CACNA2D3: variants seen among roughly 807,000 people sequenced by gnomAD.
CACNA2D3 encodes the protein calcium voltage-gated channel auxiliary subunit alpha2delta 3, also known as voltage-dependent calcium channel subunit alpha-2/delta-3.
In CACNA2D3, 60 loss-of-function variants were observed where a neutral mutation model predicts 160.6. That is an observed-to-expected ratio of 0.37 (90% CI 0.30 to 0.46). CACNA2D3 has a LOEUF of 0.46. Ranked by LOEUF, CACNA2D3 falls within the 20% of genes least tolerant of loss-of-function variation. CACNA2D3 has a pLI of 1.00. For synonymous variants in CACNA2D3, 558 were observed against 492.9 expected, an observed-to-expected ratio of 1.13 and a Z score of -1.75; for missense variants, 1,205 against 1,365.0, an observed-to-expected ratio of 0.88 and a Z score of 1.85.
intron 4 of CACNA2D3, among the ~76,000 whole-genome samples, chr3:54,458,465 T>TC (rs1553681254): frequency 0.021 from 3,156 of 150,332 alleles, 117 homozygotes; most frequent in African/African-American, 0.071. Context: ...TTTTTTTTTT[T>TC]CCCTTTTACT....
intron 11 of CACNA2D3, among the ~76,000 whole-genome samples, chr3:54,656,256 G>A (rs914239122): frequency 2.0e-5 from 3 of 152,224 alleles, no homozygotes; most frequent in African/African-American, 7.2e-5. Flanking sequence ...TTAATTCTCC[G>A]AAGTGACCTT....
chr3:55,061,070 C>T (rs1704495044), intron 35 of CACNA2D3, among the ~76,000 whole-genome samples: 1 of 152,218 alleles, frequency 6.6e-6, no homozygotes, highest in Admixed American at 6.5e-5. Flanking sequence ...ATTATCATGG[C>T]TCTTACTGAT....
At chr3:54,741,814 A>G (rs1267633726) in intron 11 of CACNA2D3, among the ~76,000 whole-genome samples, 2 of 151,500 alleles carry the variant, frequency 1.3e-5, no homozygotes, top group East Asian at 3.9e-4. Flanking sequence ...CCTTGTTCCT[A>G]TTTTTTTAGG....
chr3:54,434,146 G>T (rs1402487126), intron 4 of CACNA2D3, among the ~76,000 whole-genome samples: 3 of 152,164 alleles, frequency 2.0e-5, no homozygotes, highest in Non-Finnish European at 4.4e-5. Context: ...ACTGTCAGTG[G>T]GGGCCACTAG....
At chr3:54,464,111 T>C (rs949771873) in intron 4 of CACNA2D3, among the ~76,000 whole-genome samples, 4 of 152,212 alleles carry the variant, frequency 2.6e-5, no homozygotes, top group Admixed American at 1.3e-4. Context: ...CGAATGCTGC[T>C]GTCTGATCGT....
chr3:55,004,493 G>A (rs1489983170), intron 31 of CACNA2D3, among the ~76,000 whole-genome samples: 1 of 152,196 alleles, frequency 6.6e-6, no homozygotes, highest in Non-Finnish European at 1.5e-5. Context: ...CAGACCAAAT[G>A]ACTGTTTCGT....
chr3:54,801,722 G>C (rs898647953), intron 13 of CACNA2D3, among the ~76,000 whole-genome samples: 3 of 151,972 alleles, frequency 2.0e-5, no homozygotes, highest in Admixed American at 6.6e-5. Context: ...TTTTTAAAAA[G>C]AAACACTTAG....
At chr3:54,682,391 T>G (rs1700368812) in intron 11 of CACNA2D3, among the ~76,000 whole-genome samples, 1 of 151,972 alleles carries the variant, frequency 6.6e-6, no homozygotes, top group African/African-American at 2.4e-5. Flanking sequence ...CTTTGGGAGG[T>G]CAAGGCGAGT....
At chr3:54,455,580 A>G (rs1414890490) in intron 4 of CACNA2D3, among the ~76,000 whole-genome samples, 3 of 152,006 alleles carry the variant, frequency 2.0e-5, no homozygotes, top group African/African-American at 4.8e-5. Context: ...TTAGTTTGAT[A>G]TAATTCCATT....
chr3:54,465,932 T>C (rs1207352538), intron 4 of CACNA2D3, among the ~76,000 whole-genome samples: 1 of 152,162 alleles, frequency 6.6e-6, no homozygotes, highest in African/African-American at 2.4e-5. Context: ...TTGAGGCTGT[T>C]GGAAGAATTC....
intron 13 of CACNA2D3, among the ~76,000 whole-genome samples, chr3:54,811,152 A>T (rs950908451): frequency 1.3e-5 from 2 of 152,206 alleles, no homozygotes; most frequent in South Asian, 4.2e-4. Flanking sequence ...CCAGCTGCCT[A>T]CCCTACACCT....
chr3:54,670,959 T>A (rs529458655), intron 11 of CACNA2D3, among the ~76,000 whole-genome samples: 86 of 152,272 alleles, frequency 5.6e-4, no homozygotes, highest in Admixed American at 1.1e-3. Context: ...GAAAGCCAAG[T>A]TAATATGGAA....
In CACNA2D3 at chr3:54,343,377, G is replaced by A. The variant is rs940942437; in HGVS notation, c.321+22819G>A. The stretch of plus-strand genomic sequence containing the variant: ...CACCATCATAGCCCACTGCAGCCTC[G>A]ACCTCCTGGTTTCAAGGGATCCTCT... On this transcript the variant is annotated intron_variant, in intron 3 of 37. Transcript: ENST00000474759. Among the ~76,000 whole-genome samples the A allele has an allele frequency of 3.3e-5, 5 of 152,022 alleles. No homozygotes were observed. In the South Asian group the frequency reaches 8.3e-4, roughly 25 times the overall value.
intron 2 of CACNA2D3, among the ~76,000 whole-genome samples, chr3:54,251,352 T>C: frequency 6.6e-6 from 1 of 152,208 alleles, no homozygotes; most frequent in East Asian, 1.9e-4. Context: ...AGGGCATCTC[T>C]AACTCTTTTA....
At chr3:54,920,690 A>G (rs1700819100) in intron 27 of CACNA2D3, among the ~76,000 whole-genome samples, 1 of 152,170 alleles carries the variant, frequency 6.6e-6, no homozygotes, top group South Asian at 2.1e-4. Flanking sequence ...ACAGAAATGA[A>G]GTGATGGGGC....
At position 54,487,211 on chromosome 3, in the gene CACNA2D3, G is replaced by A. The variant is rs573994505; in HGVS notation, c.382-16281G>A. 4.6e-5 allele frequency among the ~76,000 whole-genome samples: 7 copies of A among 152,162 alleles called. No homozygotes were observed. In the South Asian group the frequency reaches 1.5e-3, roughly 32 times the overall value. On this transcript the variant is annotated intron_variant, in intron 4 of 37. Coordinates refer to ENST00000474759, the MANE Select transcript of CACNA2D3 (RefSeq NM_018398.3). ...GTGAGACCCCATCTTTACAAAAAAT[G>A]AATAAAATTAGCTGGGAATGGTGGC...
At chr3:54,144,596 A>G (rs1214769954) in intron 2 of CACNA2D3, among the ~76,000 whole-genome samples, 1 of 152,196 alleles carries the variant, frequency 6.6e-6, no homozygotes, top group Non-Finnish European at 1.5e-5. Context: ...TCTTCCTTAT[A>G]TAGGCAAGAT....
At chr3:55,009,820 G>C (rs1241108382) in intron 34 of CACNA2D3, among the ~76,000 whole-genome samples, 1 of 152,182 alleles carries the variant, frequency 6.6e-6, no homozygotes, top group Non-Finnish European at 1.5e-5. Context: ...TGTTTTCACA[G>C]TTACCCTCAT....
chr3:54,705,997 C>T (rs1426213548), intron 11 of CACNA2D3, among the ~76,000 whole-genome samples: 2 of 152,174 alleles, frequency 1.3e-5, no homozygotes, highest in African/African-American at 4.8e-5. Context: ...CTTCTGTGCT[C>T]CTTTGAGGCA....
Sources: allele counts gnomAD v4.1 joint callset (sites outside exome capture counted in the v4.1 genomes callset), GRCh38; gene constraint gnomAD v4.1.1; transcripts MANE v1.5; gene names NCBI Gene and HGNC (gene_info 2026-07-23, HGNC 2026-07-21).